Variants in EPHA3 observed in about 807,000 individuals in gnomAD.
The protein encoded by EPHA3 is EPH receptor A3.
EPHA3 carries 42 observed loss-of-function variants against 107.1 expected under a neutral mutation model. The observed-to-expected ratio is 0.39, with a 90% CI of 0.31 to 0.51. EPHA3 has a LOEUF of 0.51. Among genes scored for constraint, EPHA3 ranks in the 20% least tolerant of loss-of-function variants. EPHA3 has a pLI of 0.78. For synonymous variants in EPHA3, 461 were observed against 424.8 expected (o/e 1.09, Z -1.05); for missense variants, 1,183 against 1,211.2 (o/e 0.98, Z 0.35).
At chr3:89,225,272 C>G (rs1704478041) in intron 3 of EPHA3, among the ~76,000 whole-genome samples, 1 of 152,084 alleles carries the variant, frequency 6.6e-6, no homozygotes, top group Non-Finnish European at 1.5e-5. Context: ...GATTCTATGA[C>G]TGGAAAAGTC....
chr3:89,348,487 C>T (rs1298066231), intron 5 of EPHA3, among the ~76,000 whole-genome samples: 2 of 122,174 alleles, frequency 1.6e-5, no homozygotes. Context: ...TTTATTGTGT[C>T]TATTTGATTC....
chr3:89,316,384 G>A (rs1257746487), intron 3 of EPHA3, among the ~76,000 whole-genome samples: 5 of 151,034 alleles, frequency 3.3e-5, no homozygotes, highest in Admixed American at 6.7e-5. Context: ...GCATCACTGC[G>A]CATTAGTTTC....
intron 3 of EPHA3, among the ~76,000 whole-genome samples, chr3:89,238,976 T>C (rs1559614311): frequency 6.6e-6 from 1 of 152,186 alleles, no homozygotes; most frequent in African/African-American, 2.4e-5. Flanking sequence ...GCTAGGTTTA[T>C]ATTAGGTTAA....
intron 1 of EPHA3, among the ~76,000 whole-genome samples, chr3:89,118,407 A>C (rs1576161392): frequency 6.6e-6 from 1 of 152,094 alleles, no homozygotes; most frequent in Non-Finnish European, 1.5e-5. Flanking sequence ...AAATGTTTTA[A>C]TATTCCCACA....
chr3:89,300,830 C>T (rs1400270619), intron 3 of EPHA3, among the ~76,000 whole-genome samples: 2 of 151,986 alleles, frequency 1.3e-5, no homozygotes, highest in Admixed American at 6.6e-5. Flanking sequence ...AAAATGCACG[C>T]CTGTTTCTCC....
intron 3 of EPHA3, among the ~76,000 whole-genome samples, chr3:89,269,248 C>A (rs1351480542): frequency 1.3e-5 from 2 of 151,994 alleles, no homozygotes; most frequent in East Asian, 3.9e-4. Context: ...GGCACAGAGA[C>A]TTTATTATGA....
chr3:89,143,857 A>G (rs1704482246), intron 2 of EPHA3, among the ~76,000 whole-genome samples: 1 of 151,608 alleles, frequency 6.6e-6, no homozygotes, highest in African/African-American at 2.4e-5. Flanking sequence ...TTCTATTTAT[A>G]GTCAATAATA....
intron 3 of EPHA3, among the ~76,000 whole-genome samples, chr3:89,239,108 C>T (rs1704835704): frequency 6.6e-6 from 1 of 152,106 alleles, no homozygotes; most frequent in Non-Finnish European, 1.5e-5. Context: ...ATCTTTGGTC[C>T]TTCTAGGCTT....
Position 89,478,269 on chromosome 3 carries a change from A to G in EPHA3, c.2847-1128A>G, listed in dbSNP as rs147840173. Reference sequence around the variant, plus strand: ...GTCATTGTTTTTCTACTTTGAAAGAACTGTGTACTTTAATGAGATTATTCC... The same window carrying G: ...GTCATTGTTTTTCTACTTTGAAAGAGCTGTGTACTTTAATGAGATTATTCC... On this transcript the variant is annotated intron_variant, in intron 16 of 16. Coordinates refer to ENST00000336596, the MANE Select transcript of EPHA3 (RefSeq NM_005233.6). Among the ~76,000 whole-genome samples, 3 of 152,366 alleles carry G rather than the reference A, an allele frequency of 2.0e-5. No individual in the cohort carries two copies. In the East Asian group the frequency reaches 5.8e-4, roughly 29 times the overall value.
intron 16 of EPHA3, among the ~76,000 whole-genome samples, 192 bp from the exon 17 acceptor site, chr3:89,479,205 A>G (rs1710577461): frequency 6.6e-6 from 1 of 152,146 alleles, no homozygotes; most frequent in Non-Finnish European, 1.5e-5. Flanking sequence ...AACTCTATTC[A>G]ACCCACTACA....
intron 15 of EPHA3, among the ~76,000 whole-genome samples, chr3:89,450,842 G>T (rs935329293): frequency 6.6e-6 from 1 of 152,102 alleles, no homozygotes; most frequent in East Asian, 1.9e-4. Context: ...GGAGGCAGAG[G>T]TTGCAACGAG....
At chr3:89,195,395 C>T (rs1245234061) in intron 2 of EPHA3, among the ~76,000 whole-genome samples, 1 of 152,036 alleles carries the variant, frequency 6.6e-6, no homozygotes, top group Non-Finnish European at 1.5e-5. Context: ...TGAACCCCCT[C>T]CTAAGCTTCA....
chr3:89,146,675 T>C (rs2107030726), intron 2 of EPHA3, among the ~76,000 whole-genome samples: 1 of 152,216 alleles, frequency 6.6e-6, no homozygotes, highest in South Asian at 2.1e-4. Context: ...TTTTGGCTTT[T>C]GTTGCAATTG....
chr3:89,157,242 C>T (rs1299501223), intron 2 of EPHA3, among the ~76,000 whole-genome samples: 1 of 152,040 alleles, frequency 6.6e-6, no homozygotes, highest in Non-Finnish European at 1.5e-5. Context: ...TCAAGTTCTG[C>T]TTTAGAAAAA....
intron 3 of EPHA3, among the ~76,000 whole-genome samples, chr3:89,213,985 ATAACTT>A (rs1704167405): frequency 1.3e-5 from 2 of 152,022 alleles, no homozygotes; most frequent in African/African-American, 4.8e-5. Flanking sequence ...AATAAGATAA[ATAACTT>A]TAATATAACA....
intron 3 of EPHA3, among the ~76,000 whole-genome samples, chr3:89,288,626 A>G (rs1305099458): frequency 6.6e-6 from 1 of 152,168 alleles, no homozygotes; most frequent in Non-Finnish European, 1.5e-5. Context: ...TAATGTTCTC[A>G]GATGAAAAAT....
intron 9 of EPHA3, among the ~76,000 whole-genome samples, chr3:89,412,213 C>A (rs73137382): frequency 2.0e-5 from 3 of 151,108 alleles, no homozygotes; most frequent in Non-Finnish European, 3.0e-5. Context: ...GTTATTTTTC[C>A]AAATTATAGG....
chr3:89,416,466 T>C (rs369144769), intron 10 of EPHA3, among the ~76,000 whole-genome samples: 2 of 151,542 alleles, frequency 1.3e-5, no homozygotes, highest in South Asian at 4.1e-4. Context: ...TTATTTTTAA[T>C]CTTTTTCTAT....
chr3:89,321,247 C>T (rs942175957), intron 3 of EPHA3, among the ~76,000 whole-genome samples: 8 of 151,986 alleles, frequency 5.3e-5, no homozygotes, highest in African/African-American at 1.4e-4. Flanking sequence ...TCCTTCTCCA[C>T]CATCCATTGG....
Sources: allele counts gnomAD v4.1 joint callset (sites outside exome capture counted in the v4.1 genomes callset), GRCh38; gene constraint gnomAD v4.1.1; transcripts MANE v1.5; gene names NCBI Gene and HGNC (gene_info 2026-07-23, HGNC 2026-07-21).